SIPA1L2: variants seen among roughly 807,000 people sequenced by gnomAD.
The protein encoded by SIPA1L2 is signal-induced proliferation-associated 1-like protein 2.
Under a neutral mutation model 163.9 loss-of-function variants are expected in SIPA1L2, and 56 were observed. The ratio of observed to expected loss-of-function variants is 0.34; its 90% CI spans 0.28 to 0.43. The LOEUF is 0.43. SIPA1L2 is among the 20% of genes least tolerant of loss of function. SIPA1L2 has a pLI of 1.00. For missense variants in SIPA1L2, 1,974 were observed against 2,193.5 expected, an observed-to-expected ratio of 0.90 and a Z score of 2.00; for synonymous variants, 877 against 865.7, an observed-to-expected ratio of 1.01 and a Z score of -0.23.
chr1:232,439,144 C>A lies in SIPA1L2; in HGVS notation c.3995G>T (p.Ser1332Ile), dbSNP rs779189673. Reference protein sequence around the residue: ...TISAGSAAEGSMGDLSEISSH... With the variant: ...TISAGSAAEGIMGDLSEISSH... Reference sequence around the variant, plus strand: ...GGATATCTCACTGAGATCGCCCATGCTGCCTTCCGCAGCACTGCCGGCGGA... The same window carrying A: ...GGATATCTCACTGAGATCGCCCATGATGCCTTCCGCAGCACTGCCGGCGGA... The change falls in exon 15 of 23, where the codon AGC (serine) becomes ATC (isoleucine). Residue 1332 changes from serine to isoleucine, a missense_variant. By Grantham distance (142) the Ser-to-Ile change is moderately radical. Transcript: ENST00000674635. 1.9e-6 allele frequency: 3 copies of A among 1,612,208 alleles called. No homozygotes were observed. In the African/African-American group the frequency reaches 4.0e-5, roughly 22 times the overall value.
At chr1:232,405,359 A>C (rs1462207466) in intron 19 of SIPA1L2, among the ~76,000 whole-genome samples, 3 of 152,256 alleles carry the variant, frequency 2.0e-5, no homozygotes, top group Non-Finnish European at 2.9e-5. Context: ...ATAAGATGAT[A>C]AACATTCTAT....
rs1360196009 is a variant in SIPA1L2, at chr1:232,398,332, A to G, written c.*795T>C. ...GGCTCACAGCACACAGGGAAGTTCT[A>G]GTGAGTAAGCAGATTCACTCTCATT... On this transcript the variant is annotated 3_prime_UTR_variant, in exon 23 of 23. Transcript: ENST00000674635. 1 of 151,080 alleles carries G rather than the reference A, an allele frequency of 6.6e-6. No individual in the cohort carries two copies. Among genetic ancestry groups the G allele is most frequent in the African/African-American group, 2.4e-5 (1 of 41,368 alleles). The allele number at this position is 151,080 out of a possible 1,614,324, so 9.4% of individuals were successfully genotyped here.
At chr1:232,483,354 CTGGTTAACATCATGAAT>C (rs1215103466) in intron 6 of SIPA1L2, among the ~76,000 whole-genome samples, 1 of 151,852 alleles carries the variant, frequency 6.6e-6, no homozygotes, top group Admixed American at 6.6e-5. Context: ...TTCCACCTCC[CTGGTTAACATCATGAAT>C]CTGGAAATGA....
intron 2 of SIPA1L2, among the ~76,000 whole-genome samples, chr1:232,518,925 A>C (rs1002206861): frequency 6.6e-6 from 1 of 152,196 alleles, no homozygotes; most frequent in African/African-American, 2.4e-5. Flanking sequence ...AAAATATTTA[A>C]ATGAAAAATT....
Position 232,514,345 on chromosome 1 carries a change from T to A in SIPA1L2, c.995A>T (p.Tyr332Phe), listed in dbSNP as rs1667118937. The A allele has an allele frequency of 6.2e-7, 1 of 1,613,194 alleles. No homozygotes were observed. The highest frequency in any genetic ancestry group is 1.3e-5 in the African/African-American group (1 of 74,952). ...ATTAAACAAAATGCTCTGGACATCA[T>A]AATGTGCAAAACATCGCTGACAATT... Reference protein sequence around the residue: ...PWNCQRCFAHYDVQSILFNIN... With the variant: ...PWNCQRCFAHFDVQSILFNIN... The change falls in exon 3 of 23, where the codon TAT becomes TTT. Residue 332 changes from tyrosine to phenylalanine, a missense_variant. Tyr to Phe is a conservative substitution (Grantham distance 22). This residue lies in a region of SIPA1L2 where 607 missense variants were observed against 624.0 expected (regional missense o/e 0.97). Transcript: ENST00000674635.
intron 9 of SIPA1L2, chr1:232,462,128 A>G: frequency 1.8e-6 from 2 of 1,120,062 alleles, no homozygotes; most frequent in Non-Finnish European, 2.7e-6. Context: ...ATGAAAGAAG[A>G]ATGGTGGATT....
intron 7 of SIPA1L2, among the ~76,000 whole-genome samples, chr1:232,476,527 C>A (rs981811966): frequency 2.6e-5 from 4 of 152,102 alleles, no homozygotes; most frequent in Admixed American, 6.6e-5. Context: ...ATGGCTTAAC[C>A]ATGACTTGTC....
At chr1:232,524,578 T>C (rs1175187177) in intron 2 of SIPA1L2, among the ~76,000 whole-genome samples, 1 of 152,070 alleles carries the variant, frequency 6.6e-6, no homozygotes, top group Non-Finnish European at 1.5e-5. Flanking sequence ...AAAATATTCA[T>C]CCAAAACTAC....
intron 2 of SIPA1L2, among the ~76,000 whole-genome samples, chr1:232,521,524 C>T (rs1006531448): frequency 1.3e-5 from 2 of 152,288 alleles, no homozygotes; most frequent in East Asian, 3.9e-4. Flanking sequence ...AGTAAAGCAG[C>T]TTGGTAAACT....
intron 15 of SIPA1L2, among the ~76,000 whole-genome samples, chr1:232,438,453 C>G (rs543512361): frequency 6.6e-6 from 1 of 152,320 alleles, no homozygotes; most frequent in Non-Finnish European, 1.5e-5. Flanking sequence ...AGGCAGAAAT[C>G]GCAAATTAGG....
rs1028956069 is a variant in SIPA1L2, at chr1:232,428,557, T to C, written c.4264A>G (p.Ser1422Gly). 4 of 1,554,566 alleles carry C rather than the reference T, an allele frequency of 2.6e-6. No individual in the cohort carries two copies. The highest frequency in any genetic ancestry group is 1.7e-4 in the Middle Eastern group (1 of 5,856). The stretch of plus-strand genomic sequence containing the variant: ...GCTGTGGACATGACATCCATCTCAC[T>C]ATACATCCTGTTGAAAACAATCAGA... The part of the protein sequence containing the change: ...PEVTECPGMY[S>G]EMDVMSTATQ... Residue 1422 changes from serine to glycine, a missense_variant, in exon 17 of 23, where the codon AGT becomes GGT. Around this residue, in one of 3 missense-constraint regions of SIPA1L2, gnomAD observed 1,079 missense variants for 1,150.7 expected, o/e 0.94. Coordinates refer to ENST00000674635, the MANE Select transcript of SIPA1L2 (RefSeq NM_020808.5).
chr1:232,415,610 G>C lies in SIPA1L2; in HGVS notation c.4646C>G (p.Ser1549Cys). ...GGACTTATCTGATAAGGACCCATCGGAGAACCAGAACTCATCTAAACAGAA... is the reference window on the plus strand; with the variant it reads ...GGACTTATCTGATAAGGACCCATCGCAGAACCAGAACTCATCTAAACAGAA... The part of the protein sequence containing the change: ...MGSLRNEFWF[S>C]DGSLSDKSKC... Residue 1549 changes from serine to cysteine, a missense_variant, in exon 19 of 23, where the codon TCC (serine) becomes TGC (cysteine). Around this residue, in one of 3 missense-constraint regions of SIPA1L2, gnomAD observed 1,079 missense variants for 1,150.7 expected, o/e 0.94. Coordinates refer to ENST00000674635, the MANE Select transcript of SIPA1L2 (RefSeq NM_020808.5). The C allele has an allele frequency of 6.2e-7, 1 of 1,614,040 alleles. No homozygotes were observed. Among genetic ancestry groups the C allele is most frequent in the Non-Finnish European group, 8.5e-7 (1 of 1,179,972 alleles).
At chr1:232,542,168 C>A (rs1270385379) in intron 2 of SIPA1L2, among the ~76,000 whole-genome samples, 1 of 152,210 alleles carries the variant, frequency 6.6e-6, no homozygotes, top group East Asian at 1.9e-4. Context: ...GGGAAAGTCG[C>A]TTCGCGATAT....
intron 1 of SIPA1L2, among the ~76,000 whole-genome samples, chr1:232,622,330 C>T (rs1482596890): frequency 6.6e-6 from 1 of 152,210 alleles, no homozygotes; most frequent in African/African-American, 2.4e-5. Context: ...ATAATATCCT[C>T]ATGTACTGAG....
At chr1:232,413,276 A>G (rs1661059838) in intron 19 of SIPA1L2, among the ~76,000 whole-genome samples, 1 of 152,226 alleles carries the variant, frequency 6.6e-6, no homozygotes, top group East Asian at 1.9e-4. Context: ...ATTGGGACAA[A>G]GTGTGGATGT....
intron 7 of SIPA1L2, among the ~76,000 whole-genome samples, chr1:232,472,299 T>G (rs1380177083): frequency 6.6e-6 from 1 of 152,218 alleles, no homozygotes; most frequent in Non-Finnish European, 1.5e-5. Context: ...CGGGCCTATT[T>G]CTATTACACT....
At chr1:232,448,157 T>C (rs1479909171) in intron 10 of SIPA1L2, among the ~76,000 whole-genome samples, 4 of 152,208 alleles carry the variant, frequency 2.6e-5, no homozygotes, top group Non-Finnish European at 5.9e-5. Flanking sequence ...GCCTAAAATA[T>C]ATGATTTAAG....
intron 2 of SIPA1L2, among the ~76,000 whole-genome samples, chr1:232,530,845 C>T (rs1190514432): frequency 6.6e-6 from 1 of 152,112 alleles, no homozygotes; most frequent in East Asian, 1.9e-4. Flanking sequence ...CTAAAATCTC[C>T]GTTTTCCCCT....
intron 8 of SIPA1L2, among the ~76,000 whole-genome samples, chr1:232,468,208 C>T (rs994667408): frequency 6.6e-6 from 1 of 152,118 alleles, no homozygotes; most frequent in South Asian, 2.1e-4. Context: ...TGTGTGGAAA[C>T]GAGAACTTAC....
Sources: allele counts gnomAD v4.1 joint callset (sites outside exome capture counted in the v4.1 genomes callset), GRCh38; gene constraint gnomAD v4.1.1; regional missense constraint gnomAD v4.1.1; transcripts MANE v1.5; gene names NCBI Gene and HGNC (gene_info 2026-07-23, HGNC 2026-07-21).